The following SLC9A9 variants were observed in gnomAD, a reference collection of about 807,000 sequenced individuals.
The protein encoded by SLC9A9 is sodium/hydrogen exchanger 9.
SLC9A9 carries 62 observed loss-of-function variants against 77.8 expected under a neutral mutation model. The observed-to-expected ratio is 0.80, with a 90% CI of 0.65 to 0.98. SLC9A9 has a LOEUF of 0.98. Among genes scored for constraint, SLC9A9 ranks in the 50% least tolerant of loss-of-function variants. The pLI is 0.00. For missense variants in SLC9A9, 775 were observed against 774.9 expected (o/e 1.00, Z 0.00); for synonymous variants, 320 against 283.5 (o/e 1.13, Z -1.29).
At chr3:143,646,214 T>C (rs1215179365) in intron 6 of SLC9A9, among the ~76,000 whole-genome samples, 1 of 151,000 alleles carries the variant, frequency 6.6e-6, no homozygotes, top group Admixed American at 6.6e-5. Context: ...TGATTCCACA[T>C]AACACTTCTG....
Position 143,401,264 on chromosome 3 carries a change from T to C in SLC9A9, c.1470-19150A>G, listed in dbSNP as rs778671575. ...AAGCCTCAGCTCCTTAATCCCTCTC[T>C]ATCTACCCCACCCAGCTACCCTCTC... On this transcript the variant is annotated intron_variant, in intron 12 of 15. Transcript: ENST00000316549. Among the ~76,000 whole-genome samples, 42 of 152,300 alleles carry C rather than the reference T, an allele frequency of 2.8e-4. 1 individual carries two copies. The highest frequency in any genetic ancestry group is 2.1e-4 in the South Asian group (1 of 4,818).
chr3:143,408,505 C>A (rs2034028430), intron 12 of SLC9A9, among the ~76,000 whole-genome samples: 1 of 152,326 alleles, frequency 6.6e-6, no homozygotes, highest in Non-Finnish European at 1.5e-5. Flanking sequence ...AGCATGAAGA[C>A]ATGAAGAGAA....
intron 4 of SLC9A9, among the ~76,000 whole-genome samples, chr3:143,769,240 A>G (rs1014112290): frequency 5.9e-5 from 9 of 152,192 alleles, no homozygotes; most frequent in Admixed American, 2.6e-4. Context: ...TTAATAATAC[A>G]AAAAGGGTTT....
At chr3:143,559,881 C>T (rs185429957) in intron 8 of SLC9A9, among the ~76,000 whole-genome samples, 76 of 152,240 alleles carry the variant, frequency 5.0e-4, no homozygotes, top group Middle Eastern at 6.8e-3. Context: ...ATAGTGAGTT[C>T]GGATGACTCT....
intron 12 of SLC9A9, among the ~76,000 whole-genome samples, chr3:143,401,570 C>A (rs1394727856): frequency 2.0e-5 from 3 of 152,106 alleles, no homozygotes. Context: ...CTTAAGAAAT[C>A]CATAAATATA....
chr3:143,556,803 C>G (rs2036990884), intron 8 of SLC9A9, among the ~76,000 whole-genome samples: 1 of 152,136 alleles, frequency 6.6e-6, no homozygotes, highest in Non-Finnish European at 1.5e-5. Flanking sequence ...TCTTCTCTTT[C>G]TAAACTTTGA....
At chr3:143,663,062 C>T (rs991541996) in intron 5 of SLC9A9, among the ~76,000 whole-genome samples, 3 of 152,284 alleles carry the variant, frequency 2.0e-5, no homozygotes, top group Admixed American at 1.3e-4. Flanking sequence ...CCTCATACAG[C>T]CAGCTGCCCC....
chr3:143,647,914 T>C (rs1262271468), intron 6 of SLC9A9, among the ~76,000 whole-genome samples: 1 of 152,208 alleles, frequency 6.6e-6, no homozygotes, highest in Non-Finnish European at 1.5e-5. Flanking sequence ...AAATCACGTG[T>C]AAAAATGGTT....
intron 6 of SLC9A9, among the ~76,000 whole-genome samples, chr3:143,618,002 A>T (rs1459386117): frequency 6.6e-6 from 1 of 152,206 alleles, no homozygotes; most frequent in Non-Finnish European, 1.5e-5. Context: ...AGGCTTTTGA[A>T]TAAGTCCAGA....
At chr3:143,529,636 C>T (rs1460483175) in intron 9 of SLC9A9, among the ~76,000 whole-genome samples, 1 of 152,076 alleles carries the variant, frequency 6.6e-6, no homozygotes, top group African/African-American at 2.4e-5. Flanking sequence ...GTTTTCAATT[C>T]CAAGGACTCA....
At chr3:143,795,542 A>G (rs1650519907) in intron 3 of SLC9A9, among the ~76,000 whole-genome samples, 1 of 152,290 alleles carries the variant, frequency 6.6e-6, no homozygotes, top group Admixed American at 6.5e-5. Context: ...CTTCTCTTTT[A>G]TATCTTCTGA....
chr3:143,470,411 C>T (rs770561748), intron 11 of SLC9A9, among the ~76,000 whole-genome samples: 8 of 149,636 alleles, frequency 5.3e-5, no homozygotes, highest in Non-Finnish European at 5.9e-5. Context: ...ACCTGGGAGG[C>T]GGAGGTTTCA....
At chr3:143,322,535 T>C (rs1435671903) in intron 14 of SLC9A9, among the ~76,000 whole-genome samples, 1 of 152,172 alleles carries the variant, frequency 6.6e-6, no homozygotes, top group Non-Finnish European at 1.5e-5. Context: ...TTATAATAAA[T>C]GTATGTATGT....
At chr3:143,752,782 G>A (rs1200509297) in intron 4 of SLC9A9, among the ~76,000 whole-genome samples, 1 of 151,648 alleles carries the variant, frequency 6.6e-6, no homozygotes, top group Non-Finnish European at 1.5e-5. Context: ...TTGTTAAAAT[G>A]GATAAAAATG....
chr3:143,785,896 G>A (rs1240336331), intron 4 of SLC9A9, among the ~76,000 whole-genome samples: 6 of 127,912 alleles, frequency 4.7e-5, no homozygotes, highest in African/African-American at 1.2e-4. Flanking sequence ...TCGCTCTGTC[G>A]CCCAGGCTGG....
At chr3:143,410,965 T>C (rs1367459997) in intron 12 of SLC9A9, among the ~76,000 whole-genome samples, 1 of 152,238 alleles carries the variant, frequency 6.6e-6, no homozygotes, top group Non-Finnish European at 1.5e-5. Flanking sequence ...CATTTGTTGT[T>C]GATGACTTAC....
chr3:143,799,756 A>G (rs573448218), intron 2 of SLC9A9, among the ~76,000 whole-genome samples: 1 of 152,350 alleles, frequency 6.6e-6, no homozygotes. Flanking sequence ...TAGCGGCTGA[A>G]GACCGATGCT....
At chr3:143,828,474 T>C (rs2009355331) in intron 2 of SLC9A9, among the ~76,000 whole-genome samples, 1 of 151,814 alleles carries the variant, frequency 6.6e-6, no homozygotes, top group African/African-American at 2.4e-5. Flanking sequence ...AGAATGCTAA[T>C]AAACAAAAAG....
chr3:143,471,271 AC>A lies in SLC9A9; in HGVS notation c.1316-4082del, dbSNP rs2035374156. 3.9e-5 allele frequency among the ~76,000 whole-genome samples: 6 copies of A among 152,278 alleles called. No homozygotes were observed. In the South Asian group the frequency reaches 1.2e-3, roughly 32 times the overall value. ...TGAGGTGGACTATTGTCTATGTCCT[AC>A]CCATCCTTTGTGACTCTGAAGTTGC... On this transcript the variant is annotated intron_variant, in intron 11 of 15. Transcript: ENST00000316549.
Sources: allele counts gnomAD v4.1 joint callset (sites outside exome capture counted in the v4.1 genomes callset), GRCh38; gene constraint gnomAD v4.1.1; transcripts MANE v1.5; gene names NCBI Gene and HGNC (gene_info 2026-07-23, HGNC 2026-07-21).